RGPD3: variants seen among roughly 807,000 people sequenced by gnomAD.
The protein encoded by RGPD3 is RANBP2 like and GRIP domain containing 3.
A neutral mutation model predicts 154.5 loss-of-function variants in RGPD3; 62 were observed. That is an observed-to-expected ratio of 0.40 (90% CI 0.33 to 0.50). RGPD3 has a LOEUF of 0.50. Ranked by LOEUF, RGPD3 falls within the 20% of genes least tolerant of loss-of-function variation. The pLI is 0.59. For synonymous variants in RGPD3, 308 were observed against 607.0 expected (o/e 0.51, Z 7.24); for missense variants, 919 against 1,716.8 (o/e 0.54, Z 8.21).
Position 106,446,031 on chromosome 2 carries a change from G to A in RGPD3, c.978+1387C>T, listed in dbSNP as rs1677912034. Among the ~76,000 whole-genome samples, 3 of 56,416 alleles carry A rather than the reference G, an allele frequency of 5.3e-5. No individual in the cohort carries two copies. The South Asian group carries it at 2.0e-3, about 37-fold the overall frequency. The allele number at this position is 56,416 out of a possible 152,430, so 37.0% of individuals were successfully genotyped here. On this transcript the variant is annotated intron_variant, in intron 7 of 22. Transcript: ENST00000409886. Reference sequence around the variant, plus strand: ...TTGAACCCGGGAGGCGGAGGTTGCAGTGAGCCAGATGGCGCCATTGCACTC... The same window carrying A: ...TTGAACCCGGGAGGCGGAGGTTGCAATGAGCCAGATGGCGCCATTGCACTC...
upstream of RGPD3, chr2:106,470,787 A>C (rs1678793489): frequency 6.3e-7 from 1 of 1,594,408 alleles, no homozygotes. Flanking sequence ...GGCAACACCT[A>C]GTCCTTTTCT....
rs1485431487 is a variant in RGPD3, at chr2:106,448,765, A to G, written c.783-1152T>C. On this transcript the variant is annotated intron_variant, in intron 6 of 22. Coordinates refer to ENST00000409886, the MANE Select transcript of RGPD3 (RefSeq NM_001144013.2). ...GAGTGCAGTGACACAATCTTGGCTTACTGCAACCTCTGACTCCCAGGTTCA... is the reference window on the plus strand; with the variant it reads ...GAGTGCAGTGACACAATCTTGGCTTGCTGCAACCTCTGACTCCCAGGTTCA... Among the ~76,000 whole-genome samples the G allele has an allele frequency of 2.0e-5, 3 of 152,018 alleles. No individual in the cohort carries two copies. In the East Asian group the frequency reaches 5.8e-4, roughly 29 times the overall value.
chr2:106,424,648 T>G lies in RGPD3; in HGVS notation c.3319A>C (p.Lys1107Gln), dbSNP rs778270432. ...GTTATCCAATGATTAGCACACACTT[T>G]TAGTACTTGTTCTCTTTGCATCAGC... The part of the protein sequence containing the change: ...RMLMQREQVL[K>Q]VCANHWITTT... Residue 1107 changes from lysine (K) to glutamine (Q), a missense_variant, in exon 20 of 23, where the codon AAA (lysine) becomes CAA (glutamine). By Grantham distance (53) the Lys-to-Gln change is moderately conservative. Coordinates refer to ENST00000409886, the MANE Select transcript of RGPD3 (RefSeq NM_001144013.2). 5 of 1,612,008 alleles carry G rather than the reference T, an allele frequency of 3.1e-6. No homozygotes were observed. The highest frequency in any genetic ancestry group is 2.3e-4 in the Middle Eastern group (1 of 4,430).
At position 106,454,706 on chromosome 2, in the gene RGPD3, C is replaced by T. The variant is rs201795278; in HGVS notation, c.406-1780G>A. 9.2e-5 allele frequency among the ~76,000 whole-genome samples: 14 copies of T among 152,140 alleles called. No individual in the cohort carries two copies. The East Asian group carries it at 2.7e-3, about 29-fold the overall frequency. On this transcript the variant is annotated intron_variant, in intron 4 of 22. Coordinates refer to ENST00000409886, the MANE Select transcript of RGPD3 (RefSeq NM_001144013.2). ...TGTTACACTGCAAGAAAAGAATCTC[C>T]TGCCATTACATATGTTCTTTAACAC...
intron 22 of RGPD3, among the ~76,000 whole-genome samples, chr2:106,411,610 G>T (rs10168610): frequency 2.0e-5 from 3 of 148,982 alleles, no homozygotes; most frequent in African/African-American, 7.4e-5. Flanking sequence ...GGGCAGATCA[G>T]AAGATCAGGA....
Position 106,468,393 on chromosome 2 carries a change from T to C in RGPD3, c.-105A>G, listed in dbSNP as rs1340873082. 3.3e-6 allele frequency: 5 copies of C among 1,536,942 alleles called. No individual in the cohort carries two copies. Among genetic ancestry groups the C allele is most frequent in the Middle Eastern group, 2.3e-4 (1 of 4,326 alleles). On this transcript the variant is annotated 5_prime_UTR_variant, in exon 1 of 23. Transcript: ENST00000409886. ...CCTGAAAGCCACTGAGGCAGCGGCG[T>C]AGCCGGCGGAGGACCACTGTGACGA...
chr2:106,440,719 C>A (rs2104485102), intron 8 of RGPD3, among the ~76,000 whole-genome samples: 1 of 98,930 alleles, frequency 1.0e-5, no homozygotes, highest in African/African-American at 4.1e-5. Flanking sequence ...TATGTTTCTT[C>A]AGTTCACTGC....
chr2:106,432,968 C>T lies in RGPD3; in HGVS notation c.2436G>A (p.Leu812=), dbSNP rs1023490079. 1 of 1,601,866 alleles carries T rather than the reference C, an allele frequency of 6.2e-7. No individual in the cohort carries two copies. The highest frequency in any genetic ancestry group is 1.4e-5 in the African/African-American group (1 of 73,126). The change falls in exon 17 of 23, where the codon CTG becomes CTA. Residue 812 remains leucine, a synonymous_variant. Coordinates refer to ENST00000409886, the MANE Select transcript of RGPD3 (RefSeq NM_001144013.2). ...PRWAEDQNSL[L]KMIRQEVKAI... ...CCTTTACTTCTTGGCGAATCATTTTCAGTAAAGAATTCTGATCTTCTGCCC... is the reference window on the plus strand; with the variant it reads ...CCTTTACTTCTTGGCGAATCATTTTTAGTAAAGAATTCTGATCTTCTGCCC...
chr2:106,466,995 C>T lies in RGPD3; in HGVS notation c.72+1222G>A, dbSNP rs1313990529. ...CCGCAGGGCCAGGTCGAGGCTGCCG[C>T]CGCCTGGCCAGGTCGAGGCCGCCGC... On this transcript the variant is annotated intron_variant, in intron 1 of 22. Transcript: ENST00000409886. Among the ~76,000 whole-genome samples the T allele has an allele frequency of 1.6e-5, 2 of 127,352 alleles. 1 individual carries two copies. Among genetic ancestry groups the T allele is most frequent in the Non-Finnish European group, 3.4e-5 (2 of 58,788 alleles). The allele number at this position is 127,352 out of a possible 152,430, so 83.5% of individuals were successfully genotyped here. A position where few individuals can be genotyped will look rare whatever the true frequency, so the allele number is the denominator to read the frequency against.
chr2:106,425,190 C>T lies in RGPD3; in HGVS notation c.2777G>A (p.Gly926Asp), dbSNP rs769066094. Residue 926 changes from glycine to aspartate, a missense_variant, in exon 20 of 23, where the codon GGC (glycine) becomes GAC (aspartate). Physicochemically the swap from Gly to Asp is moderately conservative, Grantham distance 94 (BLOSUM62 -1). Coordinates refer to ENST00000409886, the MANE Select transcript of RGPD3 (RefSeq NM_001144013.2). ...TTCTTGATTTCCTGGTTCCGAAATGCCAAATTTAAATCCATCAGCAGACAC... is the reference window on the plus strand; with the variant it reads ...TTCTTGATTTCCTGGTTCCGAAATGTCAAATTTAAATCCATCAGCAGACAC... ...IPVSADGFKF[G>D]ISEPGNQEKK... 1.7e-5 allele frequency: 27 copies of T among 1,611,618 alleles called. No homozygotes were observed. The highest frequency in any genetic ancestry group is 2.0e-5 in the Non-Finnish European group (24 of 1,179,750).
At chr2:106,466,951 G>T (rs1430099968) in intron 1 of RGPD3, among the ~76,000 whole-genome samples, 2 of 118,422 alleles carry the variant, frequency 1.7e-5, no homozygotes, top group Admixed American at 1.7e-4. Flanking sequence ...GAGCCATGAC[G>T]CCTGAGCCAT....
intron 7 of RGPD3, among the ~76,000 whole-genome samples, chr2:106,441,832 C>T (rs1677752365): frequency 7.2e-6 from 1 of 138,220 alleles, no homozygotes; most frequent in African/African-American, 2.8e-5. Flanking sequence ...CCATTGCACT[C>T]CGGCCTGGGT....
chr2:106,412,321 T>TTTTTTTTTTTTTTTG (rs1558833076), intron 22 of RGPD3, among the ~76,000 whole-genome samples: 1 of 99,978 alleles, frequency 1.0e-5, no homozygotes, highest in Non-Finnish European at 2.1e-5. Flanking sequence ...TTTTTTTTTT[T>TTTTTTTTTTTTTTTG]TTTTTTTTTT....
chr2:106,422,849 C>G (rs568402648), intron 20 of RGPD3, among the ~76,000 whole-genome samples, 194 bp downstream of exon 20: 1 of 152,048 alleles, frequency 6.6e-6, no homozygotes, highest in African/African-American at 2.4e-5. Flanking sequence ...ACTGAAATGT[C>G]TTTAACTAAG....
At chr2:106,438,762 A>C (rs958556787) in intron 9 of RGPD3, among the ~76,000 whole-genome samples, 7 of 147,656 alleles carry the variant, frequency 4.7e-5, no homozygotes, top group African/African-American at 1.5e-4. Context: ...AGCATGGGCG[A>C]CAAGAGCAAA....
At position 106,404,198 on chromosome 2, in the gene RGPD3, T is replaced by C. The variant is rs552016277; in HGVS notation, c.*1021A>G. On this transcript the variant is annotated 3_prime_UTR_variant, in exon 23 of 23. Coordinates refer to ENST00000409886, the MANE Select transcript of RGPD3 (RefSeq NM_001144013.2). ...TATTTAGATTCAATGCTGAGTGATA[T>C]AGTCACTGTTGGGATAGGTTTTTAT... Among the ~76,000 whole-genome samples the C allele has an allele frequency of 7.5e-4, 113 of 150,366 alleles. 2 individuals carry two copies. Among genetic ancestry groups the C allele is most frequent in the African/African-American group, 2.5e-3 (99 of 39,908 alleles).
At chr2:106,410,157 G>A (rs1011220853) in intron 22 of RGPD3, among the ~76,000 whole-genome samples, 83 of 152,056 alleles carry the variant, frequency 5.5e-4, no homozygotes, top group Non-Finnish European at 9.3e-4. Context: ...TTACAGGTGT[G>A]AGCCACCGTG....
intron 1 of RGPD3, among the ~76,000 whole-genome samples, chr2:106,462,064 A>G (rs964457981): frequency 2.0e-5 from 3 of 151,962 alleles, no homozygotes; most frequent in Admixed American, 6.6e-5. Flanking sequence ...TTGTATTTTC[A>G]GTAGAGATGG....
intron 20 of RGPD3, among the ~76,000 whole-genome samples, chr2:106,421,338 C>T (rs868685320): frequency 0.067 from 10,176 of 151,860 alleles, 405 homozygotes; most frequent in Non-Finnish European, 0.086. Flanking sequence ...AGAAACTGTA[C>T]GCAAGTATAC....
Sources: allele counts gnomAD v4.1 joint callset (sites outside exome capture counted in the v4.1 genomes callset), GRCh38; gene constraint gnomAD v4.1.1; transcripts MANE v1.5; gene names NCBI Gene and HGNC (gene_info 2026-07-23, HGNC 2026-07-21).